RBFOX2: variants seen among roughly 807,000 people sequenced by gnomAD.
RBFOX2 encodes the protein RNA binding fox-1 homolog 2, also known as RNA binding protein fox-1 homolog 2.
A neutral mutation model predicts 49.1 loss-of-function variants in RBFOX2; 10 were observed. The ratio of observed to expected loss-of-function variants is 0.20; its 90% CI spans 0.13 to 0.35. The LOEUF (loss-of-function observed/expected upper bound fraction) is 0.35. Ranked by LOEUF, RBFOX2 falls within the 10% of genes least tolerant of loss-of-function variation. The pLI, the probability that RBFOX2 is intolerant of heterozygous loss-of-function variation, is 1.00. For missense variants in RBFOX2, 323 were observed against 486.9 expected (o/e 0.66, Z 3.17); for synonymous variants, 183 against 187.4 (o/e 0.98, Z 0.19).
At chr22:35,945,527 AC>A (rs2054183649) in intron 1 of RBFOX2, among the ~76,000 whole-genome samples, 1 of 151,994 alleles carries the variant, frequency 6.6e-6, no homozygotes, top group Admixed American at 6.6e-5. Context: ...TGCAGCCTCG[AC>A]CTCGCAGACC....
At chr22:35,949,308 C>T (rs2054652287) in intron 1 of RBFOX2, among the ~76,000 whole-genome samples, 1 of 152,176 alleles carries the variant, frequency 6.6e-6, no homozygotes, top group Non-Finnish European at 1.5e-5. Flanking sequence ...TGGGTTGCCT[C>T]CACCTTTTAA....
intron 1 of RBFOX2, among the ~76,000 whole-genome samples, chr22:35,814,479 A>G (rs951784188): frequency 6.6e-5 from 10 of 151,914 alleles, no homozygotes; most frequent in Non-Finnish European, 1.3e-4. Context: ...GAGGCTGAGG[A>G]GGGAGGATCA....
At chr22:35,783,206 T>C (rs1393920918) in intron 2 of RBFOX2, among the ~76,000 whole-genome samples, 1 of 152,170 alleles carries the variant, frequency 6.6e-6, no homozygotes, top group Non-Finnish European at 1.5e-5. Flanking sequence ...ACTCATCCCA[T>C]GTTCCCATGT....
At chr22:35,875,612 GT>G (rs1569441326) in intron 1 of RBFOX2, among the ~76,000 whole-genome samples, 3 of 24,488 alleles carry the variant, frequency 1.2e-4, no homozygotes, top group South Asian at 1.3e-3. Flanking sequence ...ACAAGGGTGT[GT>G]GTGTGTGTGT....
At chr22:35,847,795 T>G (rs542749282) in intron 1 of RBFOX2, among the ~76,000 whole-genome samples, 33 of 152,128 alleles carry the variant, frequency 2.2e-4, no homozygotes, top group Admixed American at 7.9e-4. Context: ...GCCAGGAAAG[T>G]GTAGTTTCAA....
intron 9 of RBFOX2, among the ~76,000 whole-genome samples, chr22:35,753,426 T>C (rs1037522480): frequency 6.6e-6 from 1 of 152,238 alleles, no homozygotes; most frequent in Non-Finnish European, 1.5e-5. Flanking sequence ...TTGCTTTTCA[T>C]GTAGGGGCAT....
chr22:35,844,018 T>G (rs556583239), upstream of RBFOX2, among the ~76,000 whole-genome samples: 3 of 152,334 alleles, frequency 2.0e-5, no homozygotes, highest in South Asian at 6.2e-4. Flanking sequence ...CATACATCTC[T>G]TCTGAACACC....
At chr22:35,814,707 T>A (rs1484479864) in intron 1 of RBFOX2, among the ~76,000 whole-genome samples, 2 of 89,716 alleles carry the variant, frequency 2.2e-5, no homozygotes, top group Non-Finnish European at 3.9e-5. Flanking sequence ...TGGAACCCTG[T>A]CTCAAAAAAA....
chr22:35,866,425 C>T (rs2043689171), intron 1 of RBFOX2, among the ~76,000 whole-genome samples: 1 of 152,098 alleles, frequency 6.6e-6, no homozygotes, highest in Admixed American at 6.5e-5. Context: ...CATTAATTTA[C>T]ACACATGCAT....
chr22:35,880,049 A>C (rs1028726535), intron 1 of RBFOX2, among the ~76,000 whole-genome samples: 1 of 152,148 alleles, frequency 6.6e-6, no homozygotes, highest in African/African-American at 2.4e-5. Flanking sequence ...CCAGCTACTC[A>C]GGTAGCCGAC....
At chr22:35,985,500 C>A (rs1043283435) in intron 1 of RBFOX2, among the ~76,000 whole-genome samples, 1 of 152,074 alleles carries the variant, frequency 6.6e-6, no homozygotes, top group South Asian at 2.1e-4. Flanking sequence ...GGAATGTGGG[C>A]CCCGTGCTGC....
At chr22:35,943,627 G>A (rs561108634), upstream of RBFOX2, among the ~76,000 whole-genome samples, 3 of 152,244 alleles carry the variant, frequency 2.0e-5, no homozygotes, top group Middle Eastern at 3.4e-3. Context: ...GGCCAGGCGC[G>A]GTGGCTCACG....
At chr22:36,019,493 C>T (rs2059164495) in intron 1 of RBFOX2, among the ~76,000 whole-genome samples, 1 of 152,218 alleles carries the variant, frequency 6.6e-6, no homozygotes, top group Non-Finnish European at 1.5e-5. Flanking sequence ...ACATGTAGTG[C>T]TGGGTTCCTT....
At chr22:35,840,297 TC>T (rs943143980) in exon 1 of RBFOX2, 67 of 1,090,232 alleles carry the variant, frequency 6.1e-5, no homozygotes, top group African/African-American at 4.9e-4. Flanking sequence ...TCCACCCCCC[TC>T]CCCCCCCAAT....
intron 1 of RBFOX2, among the ~76,000 whole-genome samples, chr22:35,849,942 A>G (rs531599511): frequency 9.2e-4 from 140 of 152,280 alleles, no homozygotes; most frequent in African/African-American, 3.2e-3. Flanking sequence ...CTCAACCAGA[A>G]ACTCAAGAGG....
chr22:35,842,024 C>T (rs1390652628), upstream of RBFOX2, among the ~76,000 whole-genome samples: 2 of 152,172 alleles, frequency 1.3e-5, no homozygotes, highest in African/African-American at 4.8e-5. Flanking sequence ...AAATCCCTAT[C>T]TCTATTGTGA....
intron 5 of RBFOX2, 50 bp from the exon 7 acceptor site, chr22:35,765,533 G>A (rs1344674608): frequency 8.3e-7 from 1 of 1,206,778 alleles, no homozygotes; most frequent in Non-Finnish European, 1.2e-6. Context: ...GACCACATTA[G>A]GGAACATAAA....
At chr22:35,763,279 T>C (rs1343773714) in intron 6 of RBFOX2, among the ~76,000 whole-genome samples, 1 of 152,118 alleles carries the variant, frequency 6.6e-6, no homozygotes, top group African/African-American at 2.4e-5. Flanking sequence ...ATCCACATAA[T>C]GGGCAGGCAC....
At chr22:35,831,167 G>C (rs1328767111) in intron 1 of RBFOX2, among the ~76,000 whole-genome samples, 1 of 152,212 alleles carries the variant, frequency 6.6e-6, no homozygotes, top group East Asian at 1.9e-4. Flanking sequence ...TAAGAGGCCA[G>C]GCACGGTGGC....
Sources: allele counts gnomAD v4.1 joint callset (sites outside exome capture counted in the v4.1 genomes callset), GRCh38; gene constraint gnomAD v4.1.1; transcripts MANE v1.5; gene names NCBI Gene and HGNC (gene_info 2026-07-23, HGNC 2026-07-21).